SNX13: variants seen among roughly 807,000 people sequenced by gnomAD.
SNX13 encodes the protein sorting nexin 13, also known as sorting nexin-13.
A neutral mutation model predicts 133.6 loss-of-function variants in SNX13; 45 were observed. That is an observed-to-expected ratio of 0.34 (90% CI 0.27 to 0.43). SNX13 has a LOEUF of 0.43. Ranked by LOEUF, SNX13 falls within the 20% of genes least tolerant of loss-of-function variation. The probability of loss-of-function intolerance (pLI) is 1.00; values close to 1 mark genes in which losing one functional copy is unlikely to be tolerated. For synonymous variants in SNX13, 414 were observed against 373.9 expected (o/e 1.11, Z -1.24); for missense variants, 1,032 against 1,145.1 (o/e 0.90, Z 1.43).
chr7:17,845,743 G>T, intron 11 of SNX13, 49 bp from the exon 12 acceptor site: 1 of 1,261,626 alleles, frequency 7.9e-7, no homozygotes, highest in Non-Finnish European at 1.1e-6. Context: ...ATCATTCATT[G>T]TTAAAGATGT....
intron 15 of SNX13, chr7:17,830,429 T>A: frequency 1.0e-6 from 1 of 984,338 alleles, no homozygotes; most frequent in Non-Finnish European, 1.2e-6. Context: ...TTTTGTAACT[T>A]CTGTCTCATT....
chr7:17,864,626 A>C (rs1793139673), intron 9 of SNX13, among the ~76,000 whole-genome samples: 1 of 152,198 alleles, frequency 6.6e-6, no homozygotes, highest in African/African-American at 2.4e-5. Context: ...TTTAAAACCC[A>C]GAAAAAAACA....
chr7:17,794,075 A>G lies in SNX13; in HGVS notation c.2844T>C (p.Thr948=). The G allele has an allele frequency of 6.2e-7, 1 of 1,611,468 alleles. No individual in the cohort carries two copies. ...QMQKYKQKLQ[T]TQAPSLQKR The stretch of plus-strand genomic sequence containing the variant: ...TTTTCTGCAAAGAAGGCGCTTGAGT[A>G]GTTTGAAGTTTCTGTTTATATTTCT... The change falls in exon 26 of 26, where the codon ACT becomes ACC. Residue 948 remains threonine, a synonymous_variant. Coordinates refer to ENST00000428135, the MANE Select transcript of SNX13 (RefSeq NM_015132.5).
intron 12 of SNX13, among the ~76,000 whole-genome samples, chr7:17,844,017 A>G (rs938617799): frequency 6.6e-6 from 1 of 152,042 alleles, no homozygotes; most frequent in Non-Finnish European, 1.5e-5. Flanking sequence ...ACATAAAGAA[A>G]TAGAAAAAGA....
Position 17,893,352 on chromosome 7 carries a change from T to G in SNX13, c.208A>C (p.Thr70Pro). ...EQCEHSFLPP[T>P]SPGVPKCLEE... The stretch of plus-strand genomic sequence containing the variant: ...TTTACCTTAGGAACCCCAGGTGATG[T>G]TGGAGGAAGAAATGAGTGTTCACAC... The change falls in exon 3 of 26, where the codon ACA (threonine) becomes CCA (proline). Residue 70 changes from threonine to proline, a missense_variant. Physicochemically the swap from Thr to Pro is conservative, Grantham distance 38. Coordinates refer to ENST00000428135, the MANE Select transcript of SNX13 (RefSeq NM_015132.5). 1 of 1,574,852 alleles carries G rather than the reference T, an allele frequency of 6.3e-7. No homozygotes were observed. The highest frequency in any genetic ancestry group is 8.6e-7 in the Non-Finnish European group (1 of 1,158,226).
chr7:17,805,248 T>TGTGC (rs1161018364), intron 20 of SNX13, among the ~76,000 whole-genome samples: 3 of 89,322 alleles, frequency 3.4e-5, no homozygotes, highest in East Asian at 2.7e-4. Flanking sequence ...TGTGTGTGTG[T>TGTGC]GTGCGTGCGC....
intron 17 of SNX13, 116 bp downstream of exon 17, chr7:17,825,906 A>G (rs1045144132): frequency 1.5e-6 from 1 of 650,122 alleles, no homozygotes; most frequent in Non-Finnish European, 2.5e-6. Context: ...AAAAAAAGTA[A>G]CAAAACTATG....
At position 17,841,586 on chromosome 7, in the gene SNX13, A is replaced by ACACACACACG. The variant is rs1313704048; in HGVS notation, c.1166-1587_1166-1586insCGTGTGTGTG. On this transcript the variant is annotated intron_variant, in intron 12 of 25. Coordinates refer to ENST00000428135, the MANE Select transcript of SNX13 (RefSeq NM_015132.5). ...CACACACACACACACACACACACGCACACACACCCCAAGGCATACAAAGTA... is the reference window on the plus strand; with the variant it reads ...CACACACACACACACACACACACGCACACACACACGCACACACCCCAAGGCATACAAAGTA... Among the ~76,000 whole-genome samples, 466 of 151,236 alleles carry ACACACACACG rather than the reference A, an allele frequency of 3.1e-3. 2 individuals are homozygous for ACACACACACG. Among genetic ancestry groups the ACACACACACG allele is most frequent in the African/African-American group, 0.011 (447 of 41,116 alleles).
chr7:17,921,877 T>C (rs901974547), intron 1 of SNX13, among the ~76,000 whole-genome samples: 2 of 152,260 alleles, frequency 1.3e-5, no homozygotes, highest in African/African-American at 4.8e-5. Flanking sequence ...CATTCTTCTC[T>C]ATCAGGAATG....
chr7:17,869,799 T>G (rs1793850214), intron 8 of SNX13, among the ~76,000 whole-genome samples: 1 of 152,136 alleles, frequency 6.6e-6, no homozygotes, highest in Non-Finnish European at 1.5e-5. Flanking sequence ...TGTAATTCCT[T>G]CCTTCAAATT....
At chr7:17,865,938 C>T (rs1307854616) in intron 9 of SNX13, among the ~76,000 whole-genome samples, 6 of 151,956 alleles carry the variant, frequency 3.9e-5, no homozygotes, top group South Asian at 2.1e-4. Flanking sequence ...GATATCGATA[C>T]GCAGAGGAAT....
At chr7:17,938,214 T>G (rs1802332759) in intron 1 of SNX13, among the ~76,000 whole-genome samples, 1 of 152,170 alleles carries the variant, frequency 6.6e-6, no homozygotes, top group Non-Finnish European at 1.5e-5. Flanking sequence ...TAATAATCAT[T>G]TTCAGTTTAC....
At chr7:17,903,608 T>A (rs930543094) in intron 1 of SNX13, among the ~76,000 whole-genome samples, 14 of 152,174 alleles carry the variant, frequency 9.2e-5, no homozygotes, top group African/African-American at 3.4e-4. Context: ...TTTGGCTTAA[T>A]CACTATTATT....
Position 17,791,481 on chromosome 7 carries a change from A to C in SNX13, c.*2564T>G, listed in dbSNP as rs190639331. The C allele has an allele frequency of 2.0e-5, 3 of 152,088 alleles. No individual in the cohort carries two copies. In the East Asian group the frequency reaches 5.8e-4, roughly 29 times the overall value. The allele number at this position is 152,088 out of a possible 1,614,324, so 9.4% of individuals were successfully genotyped here. On this transcript the variant is annotated 3_prime_UTR_variant, in exon 26 of 26. Coordinates refer to ENST00000428135, the MANE Select transcript of SNX13 (RefSeq NM_015132.5). ...ATTTGGAATATCCTAATTATAGGAA[A>C]TGCCCATCTAAGTGATATATTTAAA... is the stretch of plus-strand genomic sequence containing the variant.
chr7:17,918,104 C>T (rs574356441), intron 1 of SNX13, among the ~76,000 whole-genome samples: 2 of 152,186 alleles, frequency 1.3e-5, no homozygotes, highest in East Asian at 3.9e-4. Flanking sequence ...TAACCTCATA[C>T]AAAAGAAACT....
intron 21 of SNX13, among the ~76,000 whole-genome samples, chr7:17,802,314 G>GT (rs1347045821): frequency 6.6e-6 from 1 of 152,022 alleles, no homozygotes; most frequent in African/African-American, 2.4e-5. Flanking sequence ...TCTGTAGTTA[G>GT]TAGTACTGCC....
intron 1 of SNX13, among the ~76,000 whole-genome samples, chr7:17,915,971 T>C (rs902157613): frequency 9.9e-5 from 15 of 152,252 alleles, no homozygotes; most frequent in Middle Eastern, 3.4e-3. Flanking sequence ...CAGACTACAG[T>C]GGACTAAAAA....
intron 20 of SNX13, among the ~76,000 whole-genome samples, chr7:17,806,070 A>C (rs1380819579): frequency 6.6e-6 from 1 of 152,214 alleles, no homozygotes; most frequent in African/African-American, 2.4e-5. Context: ...ATTGCCAGCT[A>C]AGTGTACACT....
At chr7:17,801,558 T>C in intron 22 of SNX13, 30 bp downstream of exon 22, 1 of 1,563,768 alleles carries the variant, frequency 6.4e-7, no homozygotes, top group African/African-American at 1.4e-5. Flanking sequence ...TGACTTAAAC[T>C]AAATACTACC....
Sources: gnomAD v4.1 joint callset for allele counts (sites outside exome capture counted in the v4.1 genomes callset) on GRCh38, gnomAD v4.1.1 for gene constraint, MANE v1.5 for transcripts, NCBI Gene and HGNC (gene_info 2026-07-23, HGNC 2026-07-21) for gene names.